The following AHCY variants were observed in gnomAD, a reference collection of about 807,000 sequenced individuals.
The protein encoded by AHCY is adenosylhomocysteinase.
A neutral mutation model predicts 45.4 loss-of-function variants in AHCY; 24 were observed. That is an observed-to-expected ratio of 0.53 (90% CI 0.38 to 0.74). The LOEUF (loss-of-function observed/expected upper bound fraction) is 0.74. Ranked by LOEUF, AHCY falls within the 30% of genes least tolerant of loss-of-function variation. The probability of loss-of-function intolerance (pLI) is 0.00; values close to 1 mark genes in which losing one functional copy is unlikely to be tolerated. For synonymous variants in AHCY, 245 were observed against 235.1 expected (o/e 1.04, Z -0.39); for missense variants, 449 against 594.1 (o/e 0.76, Z 2.54).
chr20:34,303,116 A>C, intron 1 of AHCY, 127 bp downstream of exon 1: 1 of 1,494,624 alleles, frequency 6.7e-7, no homozygotes, highest in Non-Finnish European at 8.9e-7. Context: ...TCGCGCGGCC[A>C]GAAACGCGCC....
chr20:34,263,863 G>T, the AHCY span, among the ~76,000 whole-genome samples: 1 of 151,702 alleles, frequency 6.6e-6, no homozygotes, highest in Non-Finnish European at 1.5e-5. Flanking sequence ...TAGAGATGGG[G>T]TTTCGCCAAG....
intron 1 of AHCY, 114 bp downstream of exon 1, chr20:34,303,129 G>A (rs2036838872): frequency 6.6e-7 from 1 of 1,507,554 alleles, no homozygotes; most frequent in Admixed American, 2.3e-5. Context: ...AACGCGCCGA[G>A]GCTGCGATTC....
chr20:34,279,373 A>AT (rs1421185511), downstream of AHCY, among the ~76,000 whole-genome samples: 1 of 151,072 alleles, frequency 6.6e-6, no homozygotes, highest in Non-Finnish European at 1.5e-5. Flanking sequence ...GTGAGCTGAG[A>AT]TAGCACCACT....
chr20:34,288,198 AG>A (rs3838022), intron 8 of AHCY, among the ~76,000 whole-genome samples: 109,586 of 152,076 alleles, frequency 0.72, 44,012 homozygotes, highest in Non-Finnish European at 0.89. Flanking sequence ...ACCCAAGAGG[AG>A]CAGTGTAGGG....
chr20:34,275,951 A>T (rs189869035), downstream of AHCY, among the ~76,000 whole-genome samples: 1 of 152,062 alleles, frequency 6.6e-6, no homozygotes, highest in African/African-American at 2.4e-5. Flanking sequence ...TTGGCCTCCC[A>T]AAGTGCTGGG....
chr20:34,292,587 C>G, intron 3 of AHCY, 80 bp from the exon 4 acceptor site: 4 of 1,598,402 alleles, frequency 2.5e-6, no homozygotes, highest in Non-Finnish European at 3.4e-6. Context: ...AGAGCCAAAA[C>G]TACCTCCTTC....
the AHCY span, among the ~76,000 whole-genome samples, chr20:34,245,105 G>A: frequency 6.6e-5 from 10 of 152,006 alleles, no homozygotes; most frequent in Admixed American, 1.3e-4. Context: ...GGAGGCCAAG[G>A]TGGGCAAATC....
the AHCY span, among the ~76,000 whole-genome samples, chr20:34,273,294 C>A: frequency 1.3e-5 from 2 of 150,380 alleles, no homozygotes; most frequent in African/African-American, 4.9e-5. Flanking sequence ...AGGAGACTAA[C>A]CCTCTACCTT....
chr20:34,298,562 AG>A (rs1479227159), intron 1 of AHCY, among the ~76,000 whole-genome samples: 1 of 142,400 alleles, frequency 7.0e-6, no homozygotes, highest in African/African-American at 2.5e-5. Flanking sequence ...AAAGGTGTCA[AG>A]GAACAACACC....
the AHCY span, among the ~76,000 whole-genome samples, chr20:34,264,836 C>T: frequency 8.5e-5 from 11 of 130,036 alleles, no homozygotes; most frequent in South Asian, 2.7e-3. Flanking sequence ...CACTCTGTCA[C>T]TCAGGCTGGA....
chr20:34,273,527 A>G, the AHCY span, among the ~76,000 whole-genome samples: 1 of 152,142 alleles, frequency 6.6e-6, no homozygotes, highest in African/African-American at 2.4e-5. Flanking sequence ...CGCTGCAGCC[A>G]GCCCCTCCAT....
At chr20:34,277,379 T>C (rs2035917670), downstream of AHCY, among the ~76,000 whole-genome samples, 1 of 152,156 alleles carries the variant, frequency 6.6e-6, no homozygotes. Flanking sequence ...CAAGATCCTA[T>C]GACTTCTCTA....
chr20:34,281,142 G>T lies in AHCY; in HGVS notation c.1191C>A (p.Ala397=), dbSNP rs747894879. The T allele has an allele frequency of 6.2e-7, 1 of 1,613,572 alleles. No homozygotes were observed. The highest frequency in any genetic ancestry group is 8.5e-7 in the Non-Finnish European group (1 of 1,180,024). The change falls in exon 10 of 10, where the codon GCC becomes GCA. Residue 397 remains alanine, a synonymous_variant. Transcript: ENST00000217426. ...PKKLDEAVAE[A]HLGKLNVKLT... The stretch of plus-strand genomic sequence containing the variant: ...ACTTCACATTCAGCTTGCCCAGGTG[G>T]GCTTCAGCCACTGCCTCATCCAGCT...
At chr20:34,244,402 C>T in the AHCY span, among the ~76,000 whole-genome samples, 1 of 152,088 alleles carries the variant, frequency 6.6e-6, no homozygotes, top group Non-Finnish European at 1.5e-5. Context: ...AGAATAAGAA[C>T]CTCTAGCCTC....
upstream of AHCY, chr20:34,303,363 C>T (rs1156996238): frequency 7.2e-6 from 11 of 1,523,820 alleles, no homozygotes; most frequent in African/African-American, 9.7e-5. Context: ...GGGATATGCG[C>T]GTGGCGCCGA....
chr20:34,301,088 C>T (rs1305637433), intron 1 of AHCY, among the ~76,000 whole-genome samples: 1 of 152,148 alleles, frequency 6.6e-6, no homozygotes, highest in East Asian at 1.9e-4. Flanking sequence ...CAAATCTGAA[C>T]CTAGTCTGAG....
chr20:34,291,285 G>A, intron 5 of AHCY, 134 bp downstream of exon 5: 1 of 851,968 alleles, frequency 1.2e-6, no homozygotes, highest in Non-Finnish European at 2.0e-6. Context: ...TCATTAGCCT[G>A]TCTATAACCG....
chr20:34,303,184 C>T (rs2036841060), intron 1 of AHCY, 59 bp downstream of exon 1: 1 of 1,549,134 alleles, frequency 6.5e-7, no homozygotes, highest in African/African-American at 1.4e-5. Flanking sequence ...GCCCCCGCCA[C>T]GAACAAGCCC....
At chr20:34,275,668 G>T (rs1229229444), downstream of AHCY, among the ~76,000 whole-genome samples, 1 of 150,354 alleles carries the variant, frequency 6.7e-6, no homozygotes, top group African/African-American at 2.5e-5. Context: ...CAATTGTGTT[G>T]GCTTTATATC....
Sources: gnomAD v4.1 joint callset for allele counts (sites outside exome capture counted in the v4.1 genomes callset) on GRCh38, gnomAD v4.1.1 for gene constraint, MANE v1.5 for transcripts, NCBI Gene and HGNC (gene_info 2026-07-23, HGNC 2026-07-21) for gene names.